Variants in SGCZ observed in about 807,000 individuals in gnomAD.
SGCZ encodes zeta-sarcoglycan.
A neutral mutation model predicts 41.3 loss-of-function variants in SGCZ; 40 were observed. The observed-to-expected ratio is 0.97, with a 90% CI of 0.75 to 1.26. The LOEUF (loss-of-function observed/expected upper bound fraction) is 1.26. Ranked by LOEUF, SGCZ falls within the 50% of genes most tolerant of loss-of-function variation. SGCZ has a pLI of 0.00. For synonymous variants in SGCZ, 206 were observed against 137.5 expected, an observed-to-expected ratio of 1.50 and a Z score of -3.49; for missense variants, 552 against 369.8, an observed-to-expected ratio of 1.49 and a Z score of -4.04.
chr8:14,753,155 C>G (rs1361002157), intron 1 of SGCZ, among the ~76,000 whole-genome samples: 1 of 152,118 alleles, frequency 6.6e-6, no homozygotes, highest in South Asian at 2.1e-4. Flanking sequence ...TGGGCTCTAT[C>G]CTTAGCCTGA....
intron 2 of SGCZ, among the ~76,000 whole-genome samples, chr8:14,369,602 G>T (rs552093979): frequency 6.6e-6 from 1 of 151,640 alleles, no homozygotes; most frequent in East Asian, 1.9e-4. Flanking sequence ...AAGTCGTTTG[G>T]GAATATGAAA....
intron 1 of SGCZ, among the ~76,000 whole-genome samples, chr8:14,615,053 T>C (rs1317143475): frequency 2.6e-5 from 4 of 152,048 alleles, no homozygotes; most frequent in African/African-American, 9.7e-5. Flanking sequence ...AGATTAAAAG[T>C]GAATTTTGTG....
At chr8:14,373,193 A>G (rs1247578518) in intron 2 of SGCZ, among the ~76,000 whole-genome samples, 4 of 152,188 alleles carry the variant, frequency 2.6e-5, no homozygotes, top group African/African-American at 9.6e-5. Context: ...TAAGCAAGAA[A>G]GAGTGGGGTG....
At position 14,781,490 on chromosome 8, in the gene SGCZ, A is replaced by C. The variant is rs180759248; in HGVS notation, c.40-226564T>G. Among the ~76,000 whole-genome samples the C allele has an allele frequency of 2.0e-5, 3 of 152,212 alleles. No homozygotes were observed. In the East Asian group the frequency reaches 5.8e-4, roughly 29 times the overall value. On this transcript the variant is annotated intron_variant, in intron 1 of 7. Transcript: ENST00000382080. The stretch of plus-strand genomic sequence containing the variant: ...GCAATCTGCCCATCTCGGCCTCCCA[A>C]AGTGCTGGCATTTACAGCCTGAGCC...
intron 3 of SGCZ, among the ~76,000 whole-genome samples, chr8:14,307,932 G>A (rs140666362): frequency 6.6e-5 from 10 of 152,090 alleles, no homozygotes; most frequent in Non-Finnish European, 1.3e-4. Flanking sequence ...TCCTTAAAAC[G>A]GTAGTCAGTT....
Position 14,979,582 on chromosome 8 carries a change from A to C in SGCZ, c.39+258003T>G, listed in dbSNP as rs575863667. ...CCCTGAGAAAACTTTACTTGATGTA[A>C]ATAAAGCAACCTTGGCCATAAACTG... On this transcript the variant is annotated intron_variant, in intron 1 of 7. Transcript: ENST00000382080. Among the ~76,000 whole-genome samples the C allele has an allele frequency of 5.3e-5, 8 of 152,326 alleles. No homozygotes were observed. The South Asian group carries it at 1.5e-3, about 28-fold the overall frequency.
At chr8:14,854,039 A>G (rs1803452194) in intron 1 of SGCZ, among the ~76,000 whole-genome samples, 1 of 143,896 alleles carries the variant, frequency 6.9e-6, no homozygotes, top group African/African-American at 2.5e-5. Context: ...ATATATATAT[A>G]TATATATATA....
rs59985992 is a variant in SGCZ, at chr8:15,056,543, C to A, written c.39+181042G>T. Among the ~76,000 whole-genome samples, 910 of 126,708 alleles carry A rather than the reference C, an allele frequency of 7.2e-3. 5 individuals carry two copies. Among genetic ancestry groups the A allele is most frequent in the African/African-American group, 0.021 (757 of 35,396 alleles). 83.1% of individuals were successfully genotyped at this position (126,708 alleles called of 152,430 possible). Reference sequence around the variant, plus strand: ...TCTTCTTTGCCTTAATGTAGGTGAGCAAAAAAAAAAAAACATTAGAAATGA... The same window carrying A: ...TCTTCTTTGCCTTAATGTAGGTGAGAAAAAAAAAAAAAACATTAGAAATGA... On this transcript the variant is annotated intron_variant, in intron 1 of 7. Coordinates refer to ENST00000382080, the MANE Select transcript of SGCZ (RefSeq NM_139167.4).
intron 3 of SGCZ, among the ~76,000 whole-genome samples, chr8:14,241,755 G>A (rs1798901736): frequency 6.6e-6 from 1 of 152,100 alleles, no homozygotes; most frequent in South Asian, 2.1e-4. Flanking sequence ...AGACTGTTAA[G>A]TGGGCCTGAG....
At chr8:14,449,282 C>A (rs761478265) in intron 2 of SGCZ, among the ~76,000 whole-genome samples, 3 of 152,170 alleles carry the variant, frequency 2.0e-5, no homozygotes, top group African/African-American at 7.2e-5. Flanking sequence ...TTCACATTGG[C>A]CTGGACAAAG....
At chr8:14,102,925 A>G (rs1802080131) in intron 6 of SGCZ, among the ~76,000 whole-genome samples, 1 of 152,208 alleles carries the variant, frequency 6.6e-6, no homozygotes, top group Non-Finnish European at 1.5e-5. Context: ...AGATATATGT[A>G]TTCCTCAATA....
At chr8:14,361,782 G>T (rs922283720) in intron 2 of SGCZ, among the ~76,000 whole-genome samples, 1 of 152,144 alleles carries the variant, frequency 6.6e-6, no homozygotes, top group Non-Finnish European at 1.5e-5. Context: ...GGAATTTTCA[G>T]CCTTTCTGCT....
At chr8:14,758,769 G>T (rs1799766108) in intron 1 of SGCZ, among the ~76,000 whole-genome samples, 1 of 152,110 alleles carries the variant, frequency 6.6e-6, no homozygotes, top group African/African-American at 2.4e-5. Flanking sequence ...AGCACTTTGG[G>T]AGGCCGAGGC....
At chr8:14,325,697 T>C (rs1319589858) in intron 2 of SGCZ, among the ~76,000 whole-genome samples, 2 of 140,888 alleles carry the variant, frequency 1.4e-5, no homozygotes, top group South Asian at 2.2e-4. Flanking sequence ...TAATCATATA[T>C]AATTATATAT....
intron 1 of SGCZ, among the ~76,000 whole-genome samples, chr8:14,868,919 A>T (rs1205540254): frequency 6.6e-6 from 1 of 152,126 alleles, no homozygotes; most frequent in Non-Finnish European, 1.5e-5. Context: ...TAGACCAATA[A>T]CAAGTTCTGG....
At chr8:14,376,085 G>A (rs765833038) in intron 2 of SGCZ, among the ~76,000 whole-genome samples, 31 of 152,202 alleles carry the variant, frequency 2.0e-4, no homozygotes, top group Middle Eastern at 3.4e-3. Context: ...AGGCCGAGGC[G>A]GGTGGATCAC....
At chr8:15,157,938 A>G (rs1799382514) in intron 1 of SGCZ, among the ~76,000 whole-genome samples, 1 of 152,156 alleles carries the variant, frequency 6.6e-6, no homozygotes, top group African/African-American at 2.4e-5. Context: ...GGCCTTCCGC[A>G]GGTCCATTCC....
chr8:15,157,265 G>T (rs1017591423), intron 1 of SGCZ, among the ~76,000 whole-genome samples: 1 of 151,788 alleles, frequency 6.6e-6, no homozygotes, highest in East Asian at 2.0e-4. Flanking sequence ...AGGCAGGGTG[G>T]CTCATGCCTG....
At chr8:14,313,352 C>T (rs1368410416) in intron 3 of SGCZ, among the ~76,000 whole-genome samples, 2 of 152,190 alleles carry the variant, frequency 1.3e-5, no homozygotes, top group Admixed American at 1.3e-4. Flanking sequence ...CAGACTCGCT[C>T]TCCCAGGCTG....
Sources: gnomAD v4.1 joint callset for allele counts (sites outside exome capture counted in the v4.1 genomes callset) on GRCh38, gnomAD v4.1.1 for gene constraint, MANE v1.5 for transcripts, NCBI Gene and HGNC (gene_info 2026-07-23, HGNC 2026-07-21) for gene names.